TECR: variants seen among roughly 807,000 people sequenced by gnomAD.
TECR encodes very-long-chain enoyl-CoA reductase.
In TECR, 19 loss-of-function variants were observed where a neutral mutation model predicts 50.6. The observed-to-expected ratio is 0.38, with a 90% CI of 0.26 to 0.55. TECR has a LOEUF of 0.55. Among genes scored for constraint, TECR ranks in the 20% least tolerant of loss-of-function variants. TECR has a pLI of 0.79. For missense variants in TECR, 313 were observed against 408.3 expected, an observed-to-expected ratio of 0.77 and a Z score of 2.01; for synonymous variants, 168 against 163.5, an observed-to-expected ratio of 1.03 and a Z score of -0.21.
chr19:14,535,472 A>G (rs2072829427), intron 1 of TECR, among the ~76,000 whole-genome samples: 1 of 122,044 alleles, frequency 8.2e-6, no homozygotes, highest in Non-Finnish European at 1.6e-5. Flanking sequence ...GCGCCACTGC[A>G]CTCCAGCCTG....
At chr19:14,539,077 G>C (rs1405413781) in intron 1 of TECR, among the ~76,000 whole-genome samples, 2 of 148,506 alleles carry the variant, frequency 1.3e-5, no homozygotes, top group Non-Finnish European at 3.0e-5. Flanking sequence ...GGGTTCATGC[G>C]ATTCTCCTGC....
At chr19:14,548,181 G>C (rs12460210) in intron 1 of TECR, among the ~76,000 whole-genome samples, 29,071 of 151,620 alleles carry the variant, frequency 0.19, 3,350 homozygotes, top group South Asian at 0.42. Flanking sequence ...CCAGGATCGT[G>C]TCGATCTCCT....
At chr19:14,538,228 C>T (rs897804380) in intron 1 of TECR, among the ~76,000 whole-genome samples, 6 of 152,042 alleles carry the variant, frequency 3.9e-5, no homozygotes, top group Admixed American at 6.6e-5. Flanking sequence ...TGCTGTGGGT[C>T]GTGCACTGGG....
Position 14,562,387 on chromosome 19 carries a change from G to A in TECR, c.16-138G>A, listed in dbSNP as rs566123964. 1.6e-5 allele frequency: 14 copies of A among 862,252 alleles called. No homozygotes were observed. In the South Asian group the frequency reaches 1.7e-4, roughly 10 times the overall value. 53.4% of individuals were successfully genotyped at this position (862,252 alleles called of 1,614,324 possible). ...GCAGAGCCGAGTGGCAGGGCTGGTG[G>A]CAGGCGGCATGGACTTGAACTTGAG... On this transcript the variant is annotated intron_variant, in intron 1 of 12. Transcript: ENST00000215567.
rs1196347532 is a variant in TECR at position 14,565,835 on chromosome 19, G to T, written c.891G>T (p.Pro297=). The T allele has an allele frequency of 6.3e-7, 1 of 1,597,634 alleles. No homozygotes were observed. Among genetic ancestry groups the T allele is most frequent in the African/African-American group, 1.3e-5 (1 of 74,698 alleles). Residue 297 remains proline, a synonymous_variant, in exon 13 of 13, where the codon CCG becomes CCT. Transcript: ENST00000215567. ...RSYLKEFRDY[P]PLRMPIIPFL... ...ACCTGAAGGAGTTCCGGGACTACCC[G>T]CCCCTGCGCATGCCCATCATCCCCT...
chr19:14,535,569 T>A (rs1476365179), intron 1 of TECR, among the ~76,000 whole-genome samples: 1 of 19,964 alleles, frequency 5.0e-5, no homozygotes, highest in Non-Finnish European at 1.1e-4. Flanking sequence ...TATATATATA[T>A]ATATATATAT....
chr19:14,529,820 C>G (rs530850662), intron 1 of TECR, 109 bp downstream of exon 1: 1 of 1,517,884 alleles, frequency 6.6e-7, no homozygotes, highest in African/African-American at 1.4e-5. Flanking sequence ...AAGGAAGAGC[C>G]AGACGGCGCA....
intron 1 of TECR, among the ~76,000 whole-genome samples, chr19:14,538,513 A>ATTCC (rs916939922): frequency 6.8e-5 from 10 of 147,334 alleles, no homozygotes; most frequent in African/African-American, 2.5e-4. Context: ...ACCTCTTTGG[A>ATTCC]AGGCCTCAAA....
rs1479570281 is a variant in TECR, at chr19:14,549,476, C to T, written c.16-13049C>T. ...ACCTTGTGATCTGCCCTCCTTGGCC[C>T]CCTAACCCGGCTAAGTTTTTAAAAG... On this transcript the variant is annotated intron_variant, in intron 1 of 12. Transcript: ENST00000215567. Among the ~76,000 whole-genome samples the T allele has an allele frequency of 2.0e-5, 3 of 151,872 alleles. No homozygotes were observed. The East Asian group carries it at 5.8e-4, about 29-fold the overall frequency.
chr19:14,563,724 G>T lies in TECR; in HGVS notation c.163+22G>T. On this transcript the variant is annotated intron_variant, in intron 4 of 12. Coordinates refer to ENST00000215567, the MANE Select transcript of TECR (RefSeq NM_138501.6). The surrounding 1 kb of genome is among the most constrained non-coding windows in gnomAD (Gnocchi z 5.3). ...CCCAGTGAGTACAGCTGTCCACTCGGCCCGCCCCCTGGGCTCCTGGGTGGC... is the reference window on the plus strand; with the variant it reads ...CCCAGTGAGTACAGCTGTCCACTCGTCCCGCCCCCTGGGCTCCTGGGTGGC... The T allele has an allele frequency of 6.2e-7, 1 of 1,613,042 alleles. No individual in the cohort carries two copies. Among genetic ancestry groups the T allele is most frequent in the East Asian group, 2.2e-5 (1 of 44,874 alleles).
At chr19:14,554,724 G>T (rs937527854) in intron 1 of TECR, among the ~76,000 whole-genome samples, 1 of 151,762 alleles carries the variant, frequency 6.6e-6, no homozygotes, top group East Asian at 1.9e-4. Context: ...TCCACTCTCA[G>T]GCCACACCCA....
At chr19:14,532,908 G>T (rs183313671) in intron 1 of TECR, among the ~76,000 whole-genome samples, 1 of 151,888 alleles carries the variant, frequency 6.6e-6, no homozygotes, top group Non-Finnish European at 1.5e-5. Flanking sequence ...TCAGGAGTTC[G>T]AGACCAGCCT....
intron 1 of TECR, among the ~76,000 whole-genome samples, chr19:14,543,629 G>A (rs187330227): frequency 0.036 from 5,385 of 148,468 alleles, 161 homozygotes; most frequent in South Asian, 0.051. Flanking sequence ...TAGTAGAGAC[G>A]GGGTTTCACC....
intron 1 of TECR, among the ~76,000 whole-genome samples, chr19:14,538,778 G>C (rs2420530): frequency 1.3e-5 from 2 of 151,768 alleles, no homozygotes. Flanking sequence ...TGATCCACCC[G>C]CCTCAGCCTC....
intron 1 of TECR, among the ~76,000 whole-genome samples, chr19:14,539,846 C>T (rs556780876): frequency 5.3e-5 from 8 of 151,576 alleles, no homozygotes; most frequent in African/African-American, 1.9e-4. Context: ...TCATCTCCTT[C>T]GCAGCCCATC....
intron 1 of TECR, among the ~76,000 whole-genome samples, chr19:14,548,566 T>C (rs979126049): frequency 2.0e-5 from 3 of 152,126 alleles, no homozygotes; most frequent in African/African-American, 7.2e-5. Flanking sequence ...GCAGCACTGC[T>C]CATCTCTGTC....
chr19:14,542,599 T>G (rs1490608243), intron 1 of TECR, among the ~76,000 whole-genome samples: 1 of 138,102 alleles, frequency 7.2e-6, no homozygotes. Context: ...TGACCTCAGG[T>G]GATCTACACG....
intron 1 of TECR, among the ~76,000 whole-genome samples, chr19:14,547,345 A>C (rs1462484102): frequency 9.9e-6 from 1 of 100,938 alleles, no homozygotes; most frequent in Non-Finnish European, 2.3e-5. Flanking sequence ...TACCTGGCCT[A>C]TTTTATTTTA....
In TECR at chr19:14,564,088, C is replaced by T; in HGVS notation, c.374C>T (p.Thr125Ile). The change falls in exon 6 of 13, where the codon ACA (threonine) becomes ATA (isoleucine). Residue 125 changes from threonine to isoleucine, a missense_variant. Transcript: ENST00000215567. ...HKYDFTSSRH[T>I]VVHLACICHS... is the part of the protein sequence containing the mutation. ...TATGACTTTACGTCCAGTCGGCATA[C>T]AGTGGTGCAGTAAGTGGGGCAGGTG... 6.2e-7 allele frequency: 1 copy of T among 1,612,232 alleles called. No homozygotes were observed. The highest frequency in any genetic ancestry group is 8.5e-7 in the Non-Finnish European group (1 of 1,179,952).
Sources: allele counts gnomAD v4.1 joint callset (sites outside exome capture counted in the v4.1 genomes callset), GRCh38; gene constraint gnomAD v4.1.1; non-coding constraint Gnocchi (gnomAD v3.1); transcripts MANE v1.5; gene names NCBI Gene and HGNC (gene_info 2026-07-23, HGNC 2026-07-21).